PARD3B: variants seen among roughly 807,000 people sequenced by gnomAD.
The protein encoded by PARD3B is par-3 family cell polarity regulator beta, also known as partitioning defective 3 homolog B.
Under a neutral mutation model 130.2 loss-of-function variants are expected in PARD3B, and 103 were observed. The observed-to-expected ratio is 0.79, with a 90% CI of 0.67 to 0.93. PARD3B has a LOEUF of 0.93. PARD3B is among the 40% of genes least tolerant of loss of function. The pLI, the probability that PARD3B is intolerant of heterozygous loss-of-function variation, is 0.00. For synonymous variants in PARD3B, 583 were observed against 553.2 expected, an observed-to-expected ratio of 1.05 and a Z score of -0.76; for missense variants, 1,609 against 1,499.2, an observed-to-expected ratio of 1.07 and a Z score of -1.21.
rs993136215 is a variant in PARD3B, at chr2:205,265,269, C to T, written c.2185+19447C>T. On this transcript the variant is annotated intron_variant, in intron 16 of 22. Transcript: ENST00000406610. This position sits in a 1 kb window ranked among gnomAD's most constrained non-coding sequence, Gnocchi z 4.3. ...CAAGAATAAGCACAAAATGTCTATA[C>T]ACACGAGCCTTCAGGGAAGATTGGG... Among the ~76,000 whole-genome samples, 1 of 152,022 alleles carries T rather than the reference C, an allele frequency of 6.6e-6. No individual in the cohort carries two copies. Among genetic ancestry groups the T allele is most frequent in the African/African-American group, 2.4e-5 (1 of 41,426 alleles).
chr2:204,936,267 C>A (rs1688446673), intron 2 of PARD3B, among the ~76,000 whole-genome samples: 1 of 152,250 alleles, frequency 6.6e-6, no homozygotes, highest in South Asian at 2.1e-4. Flanking sequence ...ACTTTGGTGA[C>A]TTCTCTGCCT....
At chr2:204,681,079 C>G (rs1441882161) in intron 1 of PARD3B, among the ~76,000 whole-genome samples, 2 of 152,070 alleles carry the variant, frequency 1.3e-5, no homozygotes, top group Non-Finnish European at 2.9e-5. Flanking sequence ...TTCATTTTGA[C>G]AGTATATGTA....
chr2:204,745,227 C>T (rs1024464642), intron 2 of PARD3B, among the ~76,000 whole-genome samples: 8 of 152,082 alleles, frequency 5.3e-5, no homozygotes, highest in African/African-American at 1.2e-4. Context: ...CCCGTGGTAG[C>T]ATTTCCTTGG....
chr2:205,496,629 C>G lies in PARD3B; in HGVS notation c.3045-3267C>G, dbSNP rs541149674. Among the ~76,000 whole-genome samples the G allele has an allele frequency of 2.6e-5, 4 of 152,214 alleles. No homozygotes were observed. The South Asian group carries it at 8.3e-4, about 32-fold the overall frequency. On this transcript the variant is annotated intron_variant, in intron 20 of 22. Transcript: ENST00000406610. ...CACAGGGGACTTTCTGAATCCTGAA[C>G]AGCTGATTTTGTATTCCTGCCCCAT...
At chr2:205,432,149 A>G (rs2047359811) in intron 19 of PARD3B, among the ~76,000 whole-genome samples, 1 of 152,078 alleles carries the variant, frequency 6.6e-6, no homozygotes, top group Non-Finnish European at 1.5e-5. Context: ...AACCAGTTTT[A>G]TTTTTAGCTC....
At chr2:204,688,005 C>CAT (rs1342762608) in intron 2 of PARD3B, among the ~76,000 whole-genome samples, 1 of 152,096 alleles carries the variant, frequency 6.6e-6, no homozygotes, top group Non-Finnish European at 1.5e-5. Flanking sequence ...CTCAGCAATG[C>CAT]AGTTTATAAC....
chr2:204,718,724 G>C (rs1173147737), intron 2 of PARD3B, among the ~76,000 whole-genome samples: 1 of 152,170 alleles, frequency 6.6e-6, no homozygotes, highest in Non-Finnish European at 1.5e-5. Context: ...CAGATTCGCA[G>C]GGAGCAAGAG....
At position 205,349,964 on chromosome 2, in the gene PARD3B, A is replaced by T. The variant is rs148383118; in HGVS notation, c.2630+48263A>T. Reference sequence around the variant, plus strand: ...AATAAACAGGCACCAAAACGCACCCAAGCCAACACCAAGCAGCCAGTGGGT... The same window carrying T: ...AATAAACAGGCACCAAAACGCACCCTAGCCAACACCAAGCAGCCAGTGGGT... On this transcript the variant is annotated intron_variant, in intron 18 of 22. Coordinates refer to ENST00000406610, the MANE Select transcript of PARD3B (RefSeq NM_001302769.2). Among the ~76,000 whole-genome samples, 317 of 152,186 alleles carry T rather than the reference A, an allele frequency of 2.1e-3. 5 individuals carry two copies. Among genetic ancestry groups the T allele is most frequent in the East Asian group, 0.011 (59 of 5,164 alleles).
At chr2:205,599,556 G>T (rs889958552) in intron 22 of PARD3B, among the ~76,000 whole-genome samples, 1 of 152,198 alleles carries the variant, frequency 6.6e-6, no homozygotes, top group African/African-American at 2.4e-5. Context: ...GCTGTCTGGG[G>T]CAAGTTTTGA....
chr2:204,982,568 T>C (rs1692767844), intron 3 of PARD3B, among the ~76,000 whole-genome samples: 1 of 152,236 alleles, frequency 6.6e-6, no homozygotes, highest in Non-Finnish European at 1.5e-5. Context: ...CCATATTGCT[T>C]TGCAGCATCG....
chr2:205,276,275 C>T lies in PARD3B; in HGVS notation c.2186-24255C>T, dbSNP rs915539295. Among the ~76,000 whole-genome samples the T allele has an allele frequency of 2.6e-5, 4 of 152,164 alleles. No individual in the cohort carries two copies. The highest frequency in any genetic ancestry group is 7.2e-5 in the African/African-American group (3 of 41,446). On this transcript the variant is annotated intron_variant, in intron 16 of 22. Transcript: ENST00000406610. This position sits in a 1 kb window ranked among gnomAD's most constrained non-coding sequence, Gnocchi z 5.0. ...TTCCTTTTGTAGTGAGCCAGCAGGG[C>T]GCCTGGTGCTGACAGCCTTGGCAAA...
chr2:204,628,776 A>G (rs1156320016), intron 1 of PARD3B, among the ~76,000 whole-genome samples: 1 of 152,220 alleles, frequency 6.6e-6, no homozygotes, highest in Non-Finnish European at 1.5e-5. Context: ...AAGTTTGTGC[A>G]TTGGTAATGT....
chr2:204,563,866 C>G (rs889377748), intron 1 of PARD3B, among the ~76,000 whole-genome samples: 1 of 152,114 alleles, frequency 6.6e-6, no homozygotes, highest in Non-Finnish European at 1.5e-5. Flanking sequence ...ATCCACCTCC[C>G]GGGTTCACGC....
chr2:204,798,431 G>A (rs1340150838), intron 2 of PARD3B, among the ~76,000 whole-genome samples: 1 of 152,164 alleles, frequency 6.6e-6, no homozygotes, highest in Non-Finnish European at 1.5e-5. Flanking sequence ...GCACTCCGGG[G>A]TTCTAAATAA....
chr2:205,406,316 G>T (rs1037316410), intron 19 of PARD3B, among the ~76,000 whole-genome samples: 1 of 152,050 alleles, frequency 6.6e-6, no homozygotes, highest in African/African-American at 2.4e-5. Context: ...GTCTCTTGAA[G>T]ATACTAATGG....
At chr2:205,373,751 T>A (rs936245777) in intron 18 of PARD3B, among the ~76,000 whole-genome samples, 11 of 152,204 alleles carry the variant, frequency 7.2e-5, no homozygotes, top group Admixed American at 2.0e-4. Context: ...GCAACTGTGA[T>A]CTTGTTTAAA....
At chr2:204,987,639 ACAAAT>A (rs1430331675) in intron 3 of PARD3B, among the ~76,000 whole-genome samples, 1 of 152,202 alleles carries the variant, frequency 6.6e-6, no homozygotes, top group Non-Finnish European at 1.5e-5. Context: ...GAATGCATAA[ACAAAT>A]CAAATTAACA....
intron 18 of PARD3B, among the ~76,000 whole-genome samples, chr2:205,372,603 TAA>T (rs1480281053): frequency 6.6e-6 from 1 of 152,218 alleles, no homozygotes; most frequent in African/African-American, 2.4e-5. Flanking sequence ...TTGGTTTATA[TAA>T]AGTTTCCTTC....
intron 3 of PARD3B, among the ~76,000 whole-genome samples, chr2:205,037,619 A>G (rs1034882589): frequency 6.1e-5 from 9 of 148,554 alleles, no homozygotes; most frequent in African/African-American, 2.2e-4. Context: ...TATATTTTAT[A>G]TATAGTCGAC....
Sources: allele counts gnomAD v4.1 joint callset (sites outside exome capture counted in the v4.1 genomes callset), GRCh38; gene constraint gnomAD v4.1.1; non-coding constraint Gnocchi (gnomAD v3.1); transcripts MANE v1.5; gene names NCBI Gene and HGNC (gene_info 2026-07-23, HGNC 2026-07-21).